CRTAC1: variants seen among roughly 807,000 people sequenced by gnomAD.
CRTAC1 encodes acidic secreted protein in cartilage.
In CRTAC1, 37 loss-of-function variants were observed where a neutral mutation model predicts 67.8. The ratio of observed to expected loss-of-function variants is 0.55; its 90% confidence interval spans 0.42 to 0.72. CRTAC1 has a LOEUF of 0.72. Among genes scored for constraint, CRTAC1 ranks in the 30% least tolerant of loss-of-function variants. The probability of loss-of-function intolerance (pLI) is 0.00; values close to 1 mark genes in which losing one functional copy is unlikely to be tolerated. For synonymous variants in CRTAC1, 348 were observed against 371.0 expected (o/e 0.94, Z 0.71); for missense variants, 780 against 931.6 (o/e 0.84, Z 2.12).
chr10:97,901,493 G>C lies in CRTAC1; in HGVS notation c.1133+10C>G. On this transcript the variant is annotated intron_variant, in intron 8 of 14. Coordinates refer to ENST00000370597, the MANE Select transcript of CRTAC1 (RefSeq NM_018058.7). ...GGATGAAGAGCCACGAGCCAGGATG[G>C]AGCATCTACCGGAAGAGGCGGTTGG... is the stretch of plus-strand genomic sequence containing the variant. 1 of 1,614,116 alleles carries C rather than the reference G, an allele frequency of 6.2e-7. No individual in the cohort carries two copies. Among genetic ancestry groups the C allele is most frequent in the African/African-American group, 1.3e-5 (1 of 75,060 alleles).
chr10:98,016,146 T>G (rs1402038957), intron 1 of CRTAC1, among the ~76,000 whole-genome samples: 1 of 151,864 alleles, frequency 6.6e-6, no homozygotes, highest in Non-Finnish European at 1.5e-5. Context: ...GGGGAAAGGG[T>G]TGATGCTGCA....
At chr10:97,992,351 C>T (rs1045510270) in intron 2 of CRTAC1, among the ~76,000 whole-genome samples, 5 of 152,090 alleles carry the variant, frequency 3.3e-5, no homozygotes, top group African/African-American at 1.2e-4. Context: ...AATATATGTT[C>T]AAAAAATAAG....
chr10:97,998,774 T>A (rs1318825817), intron 2 of CRTAC1, among the ~76,000 whole-genome samples: 1 of 152,156 alleles, frequency 6.6e-6, no homozygotes, highest in Admixed American at 6.5e-5. Context: ...TTTTTATTAT[T>A]ATAACTGGCA....
At chr10:97,943,254 G>A (rs935640022) in intron 2 of CRTAC1, among the ~76,000 whole-genome samples, 2 of 152,034 alleles carry the variant, frequency 1.3e-5, no homozygotes, top group Non-Finnish European at 2.9e-5. Context: ...AGAGGAAGCC[G>A]ACAAGCACAG....
At chr10:98,001,603 G>A (rs763390621) in intron 2 of CRTAC1, among the ~76,000 whole-genome samples, 1 of 152,030 alleles carries the variant, frequency 6.6e-6, no homozygotes, top group Non-Finnish European at 1.5e-5. Flanking sequence ...CATATGAACT[G>A]CATGATGGTT....
chr10:97,877,446 C>T (rs1305114507), intron 14 of CRTAC1, among the ~76,000 whole-genome samples: 4 of 146,386 alleles, frequency 2.7e-5, no homozygotes, highest in Non-Finnish European at 5.9e-5. Flanking sequence ...CAGTACTGGG[C>T]ACACAGTAGG....
At chr10:97,869,902 C>G (rs913178183) in intron 14 of CRTAC1, 1 of 152,304 alleles carries the variant, frequency 6.6e-6, no homozygotes, top group Non-Finnish European at 1.5e-5. Context: ...GAGGCATCAC[C>G]ACCTGGTTTG....
At chr10:98,010,744 C>T (rs1382869187) in intron 2 of CRTAC1, among the ~76,000 whole-genome samples, 1 of 152,160 alleles carries the variant, frequency 6.6e-6, no homozygotes, top group Non-Finnish European at 1.5e-5. Flanking sequence ...TACCCTTCTA[C>T]CATAATTGTC....
In CRTAC1 at chr10:97,936,292, C is replaced by T. The variant is rs375692428; in HGVS notation, c.299G>A (p.Arg100His). 137 of 1,613,942 alleles carry T rather than the reference C, an allele frequency of 8.5e-5. No homozygotes were observed. The South Asian group carries it at 1.1e-3, about 13-fold the overall frequency. ...CCGCAGCGCGTAGTAGGGTGAGCTG[C>T]GCTCATCGACCGCGATGTTCACCAG... ...KRLVNIAVDE[R>H]SSPYYALRDR... Residue 100 changes from arginine (R) to histidine (H), a missense_variant, in exon 3 of 15, where the codon CGC (arginine) becomes CAC (histidine). Arg to His is a conservative substitution (Grantham distance 29). Coordinates refer to ENST00000370597, the MANE Select transcript of CRTAC1 (RefSeq NM_018058.7).
At chr10:97,938,926 C>G (rs2051130178) in intron 2 of CRTAC1, among the ~76,000 whole-genome samples, 1 of 152,226 alleles carries the variant, frequency 6.6e-6, no homozygotes, top group Admixed American at 6.5e-5. Flanking sequence ...TTTTATGCAT[C>G]ACGTTCCACA....
chr10:98,022,180 AC>A (rs1843137748), intron 1 of CRTAC1, among the ~76,000 whole-genome samples: 2 of 151,918 alleles, frequency 1.3e-5, no homozygotes, highest in African/African-American at 4.8e-5. Context: ...ACATGGAGAA[AC>A]CCCAACTCTA....
chr10:97,901,702 C>T, intron 7 of CRTAC1, 63 bp from the exon 8 acceptor site: 1 of 1,596,420 alleles, frequency 6.3e-7, no homozygotes, highest in Non-Finnish European at 8.6e-7. Flanking sequence ...GGCCAGCTCT[C>T]CTCTATGGAG....
intron 3 of CRTAC1, among the ~76,000 whole-genome samples, chr10:97,930,394 T>C (rs1338235079): frequency 6.6e-6 from 1 of 152,120 alleles, no homozygotes; most frequent in Admixed American, 6.5e-5. Flanking sequence ...GGCTGGGGGA[T>C]CAGGAGACCC....
intron 11 of CRTAC1, among the ~76,000 whole-genome samples, chr10:97,887,087 C>T (rs1349838647): frequency 2.0e-5 from 3 of 151,908 alleles, no homozygotes; most frequent in African/African-American, 7.3e-5. Context: ...CAAAGAACAG[C>T]AAATGTTTCT....
At position 97,917,561 on chromosome 10, in the gene CRTAC1, G is replaced by A. The variant is rs1336081738; in HGVS notation, c.654C>T (p.Leu218=). 6.2e-7 allele frequency: 1 copy of A among 1,603,322 alleles called. No individual in the cohort carries two copies. The highest frequency in any genetic ancestry group is 8.5e-7 in the Non-Finnish European group (1 of 1,174,024). Reference sequence around the variant, plus strand: ...CTCTGAGCGCCAGAATGCCCCGGGAGAGGTCACTGGCCTCAGGGTCCATTT... The same window carrying A: ...CTCTGAGCGCCAGAATGCCCCGGGAAAGGTCACTGGCCTCAGGGTCCATTT... ...LIEMDPEASD[L]SRGILALRDV... Residue 218 remains leucine, a synonymous_variant, in exon 5 of 15, where the codon CTC becomes CTT. Transcript: ENST00000370597.
chr10:98,025,696 C>G (rs924708125), intron 1 of CRTAC1, among the ~76,000 whole-genome samples: 2 of 152,208 alleles, frequency 1.3e-5, no homozygotes, highest in African/African-American at 4.8e-5. Flanking sequence ...CCAGAAATCC[C>G]TAGCAGAGCC....
chr10:97,905,027 T>C (rs958607941), intron 6 of CRTAC1, among the ~76,000 whole-genome samples: 1 of 151,990 alleles, frequency 6.6e-6, no homozygotes. Context: ...CCAAGACTTG[T>C]GTTCAAGCTG....
In CRTAC1 at chr10:97,902,174, C is replaced by T. The variant is rs536266932; in HGVS notation, c.997-535G>A. On this transcript the variant is annotated intron_variant, in intron 7 of 14. Transcript: ENST00000370597. ...TAGCTGTGTGATCTTAGGCAAGTTA[C>T]TAACCCCCTTGGATCTCACCTTCCC... Among the ~76,000 whole-genome samples the T allele has an allele frequency of 1.4e-3, 207 of 152,316 alleles. 2 individuals carry two copies. The highest frequency in any genetic ancestry group is 4.5e-3 in the African/African-American group (186 of 41,576).
At chr10:97,949,387 T>C (rs1274562429) in intron 2 of CRTAC1, among the ~76,000 whole-genome samples, 2 of 151,882 alleles carry the variant, frequency 1.3e-5, no homozygotes, top group Admixed American at 6.5e-5. Flanking sequence ...GGGAGCCAAA[T>C]TGGACAAAAG....
Sources: allele counts gnomAD v4.1 joint callset (sites outside exome capture counted in the v4.1 genomes callset), GRCh38; gene constraint gnomAD v4.1.1; transcripts MANE v1.5; gene names NCBI Gene and HGNC (gene_info 2026-07-23, HGNC 2026-07-21).